EHMT1: variants seen among roughly 807,000 people sequenced by gnomAD.
EHMT1 encodes the protein histone-lysine N-methyltransferase EHMT1.
In EHMT1, 15 loss-of-function variants were observed where a neutral mutation model predicts 147.2. That is an observed-to-expected ratio of 0.10 (90% confidence interval 0.07 to 0.16). EHMT1 has a LOEUF of 0.16. Among genes scored for constraint, EHMT1 ranks in the 10% least tolerant of loss-of-function variants. The pLI, the probability that EHMT1 is intolerant of heterozygous loss-of-function variation, is 1.00. For synonymous variants in EHMT1, 795 were observed against 709.6 expected (o/e 1.12, Z -1.91); for missense variants, 1,587 against 1,772.4 (o/e 0.90, Z 1.88).
intron 1 of EHMT1, among the ~76,000 whole-genome samples, chr9:137,694,539 C>T (rs879399235): frequency 8.5e-5 from 13 of 152,196 alleles, no homozygotes; most frequent in Admixed American, 7.9e-4. Flanking sequence ...GGTCAGCAAC[C>T]TTGTGGTTTC....
chr9:137,763,206 C>T, intron 10 of EHMT1: 1 of 414,028 alleles, frequency 2.4e-6, no homozygotes, highest in Non-Finnish European at 4.5e-6. Flanking sequence ...CAGGGCAGGC[C>T]CCGCAAGGGC....
At chr9:137,685,358 T>C (rs2134671184) in intron 1 of EHMT1, 1 of 152,334 alleles carries the variant, frequency 6.6e-6, no homozygotes, top group Admixed American at 6.5e-5. Flanking sequence ...ATACAATATT[T>C]GTCCTTTTGT....
intron 10 of EHMT1, among the ~76,000 whole-genome samples, chr9:137,765,031 G>C (rs897104856): frequency 1.3e-5 from 2 of 152,358 alleles, no homozygotes; most frequent in Non-Finnish European, 2.9e-5. Context: ...AGGTTCGTGC[G>C]CTGGGAGCGG....
chr9:137,745,784 A>C (rs929748188), intron 6 of EHMT1: 17 of 368,526 alleles, frequency 4.6e-5, no homozygotes, highest in South Asian at 1.5e-4. Flanking sequence ...GTCTGCATTT[A>C]CAGTGTAGCA....
intron 1 of EHMT1, among the ~76,000 whole-genome samples, chr9:137,649,933 C>T (rs967589187): frequency 6.6e-6 from 1 of 152,192 alleles, no homozygotes; most frequent in African/African-American, 2.4e-5. Flanking sequence ...AAAGTGTACA[C>T]GGAGTCTCTG....
chr9:137,683,880 A>C (rs1411753803), intron 1 of EHMT1, among the ~76,000 whole-genome samples: 1 of 150,696 alleles, frequency 6.6e-6, no homozygotes, highest in Non-Finnish European at 1.5e-5. Flanking sequence ...CTCACTCTCC[A>C]CCCCCGCAGC....
At chr9:137,673,347 C>T (rs1291270675) in intron 1 of EHMT1, among the ~76,000 whole-genome samples, 1 of 152,186 alleles carries the variant, frequency 6.6e-6, no homozygotes, top group Non-Finnish European at 1.5e-5. Flanking sequence ...GACCGTTGCT[C>T]ACGTTGCTCT....
intron 10 of EHMT1, chr9:137,763,204 G>A (rs1366320261): frequency 2.4e-6 from 1 of 419,190 alleles, no homozygotes; most frequent in East Asian, 4.7e-5. Context: ...TGCAGGGCAG[G>A]CCCCGCAAGG....
chr9:137,697,413 C>T (rs1414433774), intron 1 of EHMT1, among the ~76,000 whole-genome samples: 2 of 152,324 alleles, frequency 1.3e-5, no homozygotes, highest in Middle Eastern at 3.4e-3. Context: ...GAGGGAGATC[C>T]TGCTCTGCCC....
intron 1 of EHMT1, among the ~76,000 whole-genome samples, chr9:137,682,105 A>G (rs996627619): frequency 6.6e-6 from 1 of 150,962 alleles, no homozygotes; most frequent in African/African-American, 2.4e-5. Flanking sequence ...CGCCCCCACC[A>G]CGCCCGCTCA....
chr9:137,676,558 G>T (rs2134412136), intron 1 of EHMT1: 1 of 152,388 alleles, frequency 6.6e-6, no homozygotes, highest in South Asian at 2.1e-4. Context: ...TAGAGACGGG[G>T]TCTCCTTATG....
At chr9:137,815,064 G>A (rs944373704) in intron 22 of EHMT1, among the ~76,000 whole-genome samples, 3 of 151,978 alleles carry the variant, frequency 2.0e-5, no homozygotes, top group Admixed American at 6.6e-5. Context: ...AAGCAGAGGC[G>A]GAGAGTTCCT....
intron 1 of EHMT1, among the ~76,000 whole-genome samples, chr9:137,681,272 C>T (rs1010609346): frequency 9.9e-5 from 15 of 152,276 alleles, no homozygotes; most frequent in African/African-American, 3.1e-4. Context: ...GTTTTTGCCG[C>T]GTGTCTGTAA....
At chr9:137,718,160 C>T (rs1418547632) in intron 3 of EHMT1, among the ~76,000 whole-genome samples, 1 of 146,978 alleles carries the variant, frequency 6.8e-6, no homozygotes, top group Non-Finnish European at 1.5e-5. Context: ...ACGCACCGTG[C>T]TGATTTTCAC....
chr9:137,643,337 GTT>G (rs71493685), intron 1 of EHMT1, among the ~76,000 whole-genome samples: 12 of 111,828 alleles, frequency 1.1e-4, no homozygotes, highest in African/African-American at 1.8e-4. Context: ...GTGTATAAAG[GTT>G]TTTTTTTTTT....
chr9:137,662,473 T>C (rs780808532), intron 1 of EHMT1, among the ~76,000 whole-genome samples: 1 of 152,046 alleles, frequency 6.6e-6, no homozygotes, highest in Non-Finnish European at 1.5e-5. Flanking sequence ...GTTGGGATTA[T>C]AATAGGTGTG....
At chr9:137,744,169 G>A (rs780254676) in intron 6 of EHMT1, 79 bp downstream of exon 6, 4 of 1,499,072 alleles carry the variant, frequency 2.7e-6, no homozygotes, top group Non-Finnish European at 3.7e-6. Context: ...TTAACAGTCT[G>A]GTCACTTCTA....
At chr9:137,626,125 C>T (rs1162968073) in intron 1 of EHMT1, among the ~76,000 whole-genome samples, 1 of 151,416 alleles carries the variant, frequency 6.6e-6, no homozygotes. Flanking sequence ...CCTTGGCCTC[C>T]CAAAGTGCTG....
At chr9:137,762,947 C>T in intron 10 of EHMT1, 127 bp downstream of exon 10, 2 of 1,221,576 alleles carry the variant, frequency 1.6e-6, no homozygotes, top group Non-Finnish European at 2.4e-6. Context: ...TGAGTGGATT[C>T]TGCGCAGAAC....
Sources: gnomAD v4.1 joint callset for allele counts (sites outside exome capture counted in the v4.1 genomes callset) on GRCh38, gnomAD v4.1.1 for gene constraint, MANE v1.5 for transcripts, NCBI Gene and HGNC (gene_info 2026-07-23, HGNC 2026-07-21) for gene names.